Variants in FBXL7 observed in about 807,000 individuals in gnomAD.
FBXL7 encodes the protein F-box and leucine rich repeat protein 7, also known as F-box/LRR-repeat protein 7.
In FBXL7, 12 loss-of-function variants were observed where a neutral mutation model predicts 38.3. That is an observed-to-expected ratio of 0.31 (90% CI 0.20 to 0.51). FBXL7 has a LOEUF of 0.51. Ranked by LOEUF, FBXL7 falls within the 20% of genes least tolerant of loss-of-function variation. The probability of loss-of-function intolerance (pLI) is 0.98; values close to 1 mark genes in which losing one functional copy is unlikely to be tolerated. For synonymous variants in FBXL7, 297 were observed against 300.9 expected (o/e 0.99, Z 0.13); for missense variants, 567 against 676.4 (o/e 0.84, Z 1.79).
chr5:15,559,772 C>G (rs368002588), intron 1 of FBXL7, among the ~76,000 whole-genome samples: 3 of 152,260 alleles, frequency 2.0e-5, no homozygotes, highest in South Asian at 4.1e-4. Context: ...CAATAAAACG[C>G]CTGGAGGCAT....
chr5:15,819,222 T>TG (rs1438200349), intron 2 of FBXL7, among the ~76,000 whole-genome samples: 1 of 152,148 alleles, frequency 6.6e-6, no homozygotes, highest in Non-Finnish European at 1.5e-5. Context: ...ATGGCCTGGG[T>TG]GGGAGTTGGC....
intron 2 of FBXL7, among the ~76,000 whole-genome samples, chr5:15,924,952 A>T (rs562742045): frequency 1.3e-5 from 2 of 152,200 alleles, no homozygotes; most frequent in East Asian, 1.9e-4. Context: ...TGTTCTCCTC[A>T]CTGTGAAGGT....
chr5:15,664,963 TTTTG>T (rs1691586284), intron 2 of FBXL7, among the ~76,000 whole-genome samples: 1 of 152,126 alleles, frequency 6.6e-6, no homozygotes, highest in South Asian at 2.1e-4. Flanking sequence ...GTTGGCAGTT[TTTTG>T]TTTTTCTTTA....
chr5:15,652,773 G>A (rs1008271654), intron 2 of FBXL7, among the ~76,000 whole-genome samples: 2 of 152,192 alleles, frequency 1.3e-5, no homozygotes, highest in African/African-American at 2.4e-5. Flanking sequence ...GCTCAGTGGA[G>A]CAATCAGAAC....
intron 2 of FBXL7, among the ~76,000 whole-genome samples, chr5:15,913,512 C>G (rs1377882257): frequency 1.3e-5 from 2 of 152,038 alleles, no homozygotes; most frequent in Admixed American, 1.3e-4. Flanking sequence ...AATTTGTGAG[C>G]TAGACTATTG....
chr5:15,503,148 C>T (rs1206576796), intron 1 of FBXL7, among the ~76,000 whole-genome samples: 4 of 152,288 alleles, frequency 2.6e-5, no homozygotes, highest in South Asian at 4.2e-4. Flanking sequence ...AGGTCGGGCG[C>T]GGTGGCCCAC....
chr5:15,675,675 C>T (rs369187365), intron 2 of FBXL7, among the ~76,000 whole-genome samples: 5 of 152,148 alleles, frequency 3.3e-5, no homozygotes, highest in East Asian at 1.9e-4. Flanking sequence ...TGCTAATATG[C>T]GGTTTATAAA....
At chr5:15,880,400 A>T (rs1740396065) in intron 2 of FBXL7, among the ~76,000 whole-genome samples, 2 of 152,204 alleles carry the variant, frequency 1.3e-5, no homozygotes, top group Admixed American at 1.3e-4. Context: ...CTGCACGTGC[A>T]CCACAGTCCA....
chr5:15,742,899 A>T (rs1319203888), intron 2 of FBXL7, among the ~76,000 whole-genome samples: 2 of 152,184 alleles, frequency 1.3e-5, no homozygotes, highest in Non-Finnish European at 2.9e-5. Context: ...TGGCGGCAGC[A>T]AGGAGAAGTA....
chr5:15,676,467 T>G (rs1394549780), intron 2 of FBXL7, among the ~76,000 whole-genome samples: 1 of 152,212 alleles, frequency 6.6e-6, no homozygotes, highest in Non-Finnish European at 1.5e-5. Flanking sequence ...TTCAAAAACA[T>G]CTGCAAAGGT....
chr5:15,774,758 T>C (rs1285060172), intron 2 of FBXL7, among the ~76,000 whole-genome samples: 3 of 152,352 alleles, frequency 2.0e-5, no homozygotes, highest in African/African-American at 4.8e-5. Context: ...CGACAGTTTT[T>C]CCTTGCCTTT....
rs542663081 is a variant in FBXL7, at chr5:15,570,923, T to A, written c.38-45060T>A. On this transcript the variant is annotated intron_variant, in intron 1 of 3. Transcript: ENST00000504595. ...GGCTGACCAACATGGAGAAACCCCA[T>A]CTCTACTAAAAATACAAAATTAGCA... Among the ~76,000 whole-genome samples, 66 of 151,950 alleles carry A rather than the reference T, an allele frequency of 4.3e-4. 1 individual carries two copies. The East Asian group carries it at 0.013, about 29-fold the overall frequency.
chr5:15,796,374 C>T (rs1224402103), intron 2 of FBXL7, among the ~76,000 whole-genome samples: 5 of 152,090 alleles, frequency 3.3e-5, no homozygotes, highest in Non-Finnish European at 5.9e-5. Flanking sequence ...TTTGTTTATA[C>T]ATCATCTATG....
chr5:15,893,015 CTGAGACAG>C (rs1740973590), intron 2 of FBXL7, among the ~76,000 whole-genome samples: 1 of 151,504 alleles, frequency 6.6e-6, no homozygotes, highest in Non-Finnish European at 1.5e-5. Flanking sequence ...ACTCGGGAGG[CTGAGACAG>C]GAGAATGGCG....
chr5:15,684,330 A>T (rs1490586619), intron 2 of FBXL7, among the ~76,000 whole-genome samples: 1 of 152,188 alleles, frequency 6.6e-6, no homozygotes, highest in Non-Finnish European at 1.5e-5. Flanking sequence ...TCTAGGTAAG[A>T]GGTATGTGGT....
chr5:15,641,161 T>C (rs902191159), intron 2 of FBXL7, among the ~76,000 whole-genome samples: 1 of 152,232 alleles, frequency 6.6e-6, no homozygotes, highest in Non-Finnish European at 1.5e-5. Context: ...TCTGTTTCTT[T>C]AGGTTCCTGG....
At chr5:15,622,869 T>C (rs1740700238) in intron 2 of FBXL7, among the ~76,000 whole-genome samples, 1 of 151,706 alleles carries the variant, frequency 6.6e-6, no homozygotes. Context: ...CATGCCCGGC[T>C]AATTTTTGTA....
At chr5:15,774,450 TTA>T (rs1736809766) in intron 2 of FBXL7, among the ~76,000 whole-genome samples, 1 of 152,200 alleles carries the variant, frequency 6.6e-6, no homozygotes, top group Non-Finnish European at 1.5e-5. Flanking sequence ...AGATATGGTT[TTA>T]TGTTTTAGAT....
At chr5:15,511,982 T>C (rs564651018) in intron 1 of FBXL7, among the ~76,000 whole-genome samples, 1 of 152,326 alleles carries the variant, frequency 6.6e-6, no homozygotes, top group South Asian at 2.1e-4. Context: ...CACTTCCTGC[T>C]TAAAACAACT....
Sources: gnomAD v4.1 joint callset for allele counts (sites outside exome capture counted in the v4.1 genomes callset) on GRCh38, gnomAD v4.1.1 for gene constraint, MANE v1.5 for transcripts, NCBI Gene and HGNC (gene_info 2026-07-23, HGNC 2026-07-21) for gene names.